SERGEF: variants seen among roughly 807,000 people sequenced by gnomAD.
The protein encoded by SERGEF is secretion regulating guanine nucleotide exchange factor.
Under a neutral mutation model 50.0 loss-of-function variants are expected in SERGEF, and 51 were observed. The observed-to-expected ratio is 1.02, with a 90% CI of 0.81 to 1.29. The LOEUF (loss-of-function observed/expected upper bound fraction) is 1.29. Ranked by LOEUF, SERGEF falls within the 50% of genes most tolerant of loss-of-function variation. SERGEF has a pLI of 0.00. For synonymous variants in SERGEF, 205 were observed against 212.4 expected, an observed-to-expected ratio of 0.97 and a Z score of 0.30; for missense variants, 521 against 557.0, an observed-to-expected ratio of 0.94 and a Z score of 0.65.
At position 17,888,245 on chromosome 11, in the gene SERGEF, A is replaced by G. The variant is rs767178987; in HGVS notation, c.1012-10001T>C. On this transcript the variant is annotated intron_variant, in intron 9 of 10. Coordinates refer to ENST00000265965, the MANE Select transcript of SERGEF (RefSeq NM_012139.4). The surrounding 1 kb of genome is among the most constrained non-coding windows in gnomAD (Gnocchi z 4.1). The stretch of plus-strand genomic sequence containing the variant: ...GGGGGGAAATATTGATATTCACAAC[A>G]TAAGTAAATCTTTAAGAATAATAAT... 6.6e-6 allele frequency among the ~76,000 whole-genome samples: 1 copy of G among 152,342 alleles called. No homozygotes were observed. The highest frequency in any genetic ancestry group is 1.5e-5 in the Non-Finnish European group (1 of 68,044).
At chr11:17,887,692 A>G (rs901331430) in intron 9 of SERGEF, among the ~76,000 whole-genome samples, 5 of 152,264 alleles carry the variant, frequency 3.3e-5, no homozygotes, top group Admixed American at 3.3e-4. Context: ...GTGGACACTC[A>G]AGTACCCAAA....
chr11:17,852,261 G>A (rs1850727857), intron 10 of SERGEF, among the ~76,000 whole-genome samples: 1 of 152,208 alleles, frequency 6.6e-6, no homozygotes. Context: ...ATGAACTCAG[G>A]TCAGTCTGAC....
chr11:17,870,552 T>A (rs1414263053), intron 10 of SERGEF, among the ~76,000 whole-genome samples: 1 of 152,218 alleles, frequency 6.6e-6, no homozygotes, highest in Non-Finnish European at 1.5e-5. Context: ...TTTAGCCAAG[T>A]GAGACCCATC....
At chr11:17,995,648 C>G in intron 6 of SERGEF, 148 bp downstream of exon 6, 1 of 618,134 alleles carries the variant, frequency 1.6e-6, no homozygotes, top group South Asian at 2.0e-5. Context: ...ACAAACAATG[C>G]CAGCAAGACT....
chr11:17,997,215 G>A (rs1339703616), intron 5 of SERGEF, among the ~76,000 whole-genome samples: 1 of 152,124 alleles, frequency 6.6e-6, no homozygotes, highest in Non-Finnish European at 1.5e-5. Flanking sequence ...AAGCGAGGGA[G>A]GAGGGTGCAG....
At chr11:17,936,544 A>G (rs1004406435) in intron 9 of SERGEF, among the ~76,000 whole-genome samples, 5 of 152,202 alleles carry the variant, frequency 3.3e-5, no homozygotes, top group Admixed American at 3.3e-4. Flanking sequence ...AAGTAACAGA[A>G]CAGGATTTTT....
chr11:17,878,260 A>T lies in SERGEF; in HGVS notation c.1012-16T>A. The T allele has an allele frequency of 6.5e-7, 1 of 1,539,508 alleles. No individual in the cohort carries two copies. Among genetic ancestry groups the T allele is most frequent in the Non-Finnish European group, 8.9e-7 (1 of 1,121,880 alleles). On this transcript the variant is annotated splice_polypyrimidine_tract_variant and intron_variant, in intron 9 of 10. Coordinates refer to ENST00000265965, the MANE Select transcript of SERGEF (RefSeq NM_012139.4). ...CACAAGAGACCTGTAAAAAAAAAAA[A>T]AGACAAAGAAAATGGATAGATATTT...
At chr11:17,857,850 C>T (rs67445779) in intron 10 of SERGEF, among the ~76,000 whole-genome samples, 20,122 of 152,216 alleles carry the variant, frequency 0.13, 1,637 homozygotes, top group Middle Eastern at 0.27. Flanking sequence ...TGAGCCCACA[C>T]CTTTATCTCT....
chr11:18,000,631 A>G lies in SERGEF; in HGVS notation c.448-74T>C, dbSNP rs1853940727. ...AAATTTTATGTAATTTATACCAAAT[A>G]CAATGCAGTACGGTCCTCATTATGG... On this transcript the variant is annotated intron_variant, in intron 4 of 10. Transcript: ENST00000265965. 3 of 1,045,594 alleles carry G rather than the reference A, an allele frequency of 2.9e-6. No individual in the cohort carries two copies. In the South Asian group the frequency reaches 4.2e-5, roughly 15 times the overall value. 64.8% of individuals were successfully genotyped at this position (1,045,594 alleles called of 1,614,324 possible).
intron 5 of SERGEF, among the ~76,000 whole-genome samples, chr11:17,998,248 C>T (rs966066704): frequency 6.6e-6 from 1 of 151,098 alleles, no homozygotes; most frequent in African/African-American, 2.4e-5. Flanking sequence ...CCCATCTCTA[C>T]AAGAATAAAA....
chr11:17,800,264 C>G (rs1849644883), intron 10 of SERGEF, among the ~76,000 whole-genome samples: 1 of 152,126 alleles, frequency 6.6e-6, no homozygotes, highest in Non-Finnish European at 1.5e-5. Context: ...TACTTCATAG[C>G]CTTCCCCACC....
intron 9 of SERGEF, among the ~76,000 whole-genome samples, chr11:17,878,767 A>G (rs567489198): frequency 9.7e-4 from 147 of 152,286 alleles, no homozygotes; most frequent in African/African-American, 3.3e-3. Flanking sequence ...CAGTTCTTTC[A>G]ACACGTCATG....
chr11:18,012,469 G>A, intron 1 of SERGEF: 3 of 1,076,862 alleles, frequency 2.8e-6, no homozygotes, highest in Non-Finnish European at 3.4e-6. Context: ...CAGGGTCTGT[G>A]CCTTGTGCGC....
chr11:17,855,543 T>C (rs1850802231), intron 10 of SERGEF: 1 of 152,202 alleles, frequency 6.6e-6, no homozygotes, highest in African/African-American at 2.4e-5. Flanking sequence ...GCGGATAGTA[T>C]ATACATCATG....
intron 8 of SERGEF, among the ~76,000 whole-genome samples, chr11:17,978,229 G>A (rs899783428): frequency 1.2e-4 from 18 of 151,954 alleles, no homozygotes; most frequent in Non-Finnish European, 1.3e-4. Flanking sequence ...TACATAGTAA[G>A]TACTTGGCAA....
chr11:17,841,574 CT>C (rs939048459), intron 10 of SERGEF, among the ~76,000 whole-genome samples: 1 of 152,186 alleles, frequency 6.6e-6, no homozygotes, highest in African/African-American at 2.4e-5. Flanking sequence ...GCCACATCCA[CT>C]TTTGCACCCT....
At chr11:17,922,025 C>G (rs534557367) in intron 9 of SERGEF, among the ~76,000 whole-genome samples, 1 of 152,160 alleles carries the variant, frequency 6.6e-6, no homozygotes, top group Non-Finnish European at 1.5e-5. Flanking sequence ...CACCACCAAG[C>G]CTCATGGACT....
chr11:17,954,256 C>T (rs1450074424), intron 9 of SERGEF, among the ~76,000 whole-genome samples: 5 of 152,068 alleles, frequency 3.3e-5, no homozygotes, highest in African/African-American at 1.2e-4. Flanking sequence ...ATTTAGGGCA[C>T]CAAAGTCCCA....
intron 9 of SERGEF, among the ~76,000 whole-genome samples, chr11:17,944,034 T>A (rs1021991052): frequency 3.3e-5 from 5 of 152,126 alleles, no homozygotes. Flanking sequence ...TTCAAGCGGT[T>A]CTCCTGCCTC....
Sources: allele counts gnomAD v4.1 joint callset (sites outside exome capture counted in the v4.1 genomes callset), GRCh38; gene constraint gnomAD v4.1.1; non-coding constraint Gnocchi (gnomAD v3.1); transcripts MANE v1.5; gene names NCBI Gene and HGNC (gene_info 2026-07-23, HGNC 2026-07-21).